The following VWC2 variants were observed in gnomAD, a reference collection of about 807,000 sequenced individuals.
VWC2 encodes the protein von Willebrand factor C domain containing 2.
A neutral mutation model predicts 29.8 loss-of-function variants in VWC2; 14 were observed. That is an observed-to-expected ratio of 0.47 (90% CI 0.31 to 0.74). The LOEUF is 0.74. Among genes scored for constraint, VWC2 ranks in the 30% least tolerant of loss-of-function variants. The probability of loss-of-function intolerance (pLI) is 0.05; values close to 1 mark genes in which losing one functional copy is unlikely to be tolerated. For missense variants in VWC2, 457 were observed against 459.8 expected (o/e 0.99, Z 0.05); for synonymous variants, 213 against 199.0 (o/e 1.07, Z -0.59).
At chr7:49,811,457 G>A (rs1789003833) in intron 3 of VWC2, among the ~76,000 whole-genome samples, 2 of 152,296 alleles carry the variant, frequency 1.3e-5, no homozygotes, top group Non-Finnish European at 2.9e-5. Flanking sequence ...TTTCCTTGCT[G>A]CCATCATGTG....
intron 2 of VWC2, among the ~76,000 whole-genome samples, chr7:49,789,018 CAG>C (rs1788382707): frequency 1.7e-5 from 2 of 120,784 alleles, no homozygotes; most frequent in East Asian, 2.6e-4. Context: ...GAAAGTGTGT[CAG>C]TGTGAGCGTG....
chr7:49,900,971 A>G (rs1417097999), intron 3 of VWC2: 1 of 151,846 alleles, frequency 6.6e-6, no homozygotes, highest in African/African-American at 2.4e-5. Flanking sequence ...CAGGCTAAAG[A>G]AGAAAAATCA....
At position 49,887,028 on chromosome 7, in the gene VWC2, CAGA is replaced by C. The variant is rs1166697250; in HGVS notation, c.827-25002_827-25000del. On this transcript the variant is annotated intron_variant, in intron 3 of 3. Coordinates refer to ENST00000340652, the MANE Select transcript of VWC2 (RefSeq NM_198570.5). ...AAGGCAAATTTTAAGTACTTTTTTGCAGAAGATTTATTTTAAACCATCGCAATT... is the reference window on the plus strand; with the variant it reads ...AAGGCAAATTTTAAGTACTTTTTTGCAGATTTATTTTAAACCATCGCAATT... Among the ~76,000 whole-genome samples, 5 of 151,660 alleles carry C rather than the reference CAGA, an allele frequency of 3.3e-5. No individual in the cohort carries two copies. In the East Asian group the frequency reaches 9.7e-4, roughly 29 times the overall value.
chr7:49,853,270 C>T lies in VWC2; in HGVS notation c.826+50430C>T, dbSNP rs566677039. ...GCATGGCAGACCCTATCAGGTATGA[C>T]TGTAGTCTCCCTTAGGAACCTGTGG... On this transcript the variant is annotated intron_variant, in intron 3 of 3. Transcript: ENST00000340652. Among the ~76,000 whole-genome samples, 17 of 152,374 alleles carry T rather than the reference C, an allele frequency of 1.1e-4. No individual in the cohort carries two copies. In the South Asian group the frequency reaches 3.5e-3, roughly 32 times the overall value.
At chr7:49,910,284 A>G (rs1793338982) in intron 3 of VWC2, among the ~76,000 whole-genome samples, 2 of 152,200 alleles carry the variant, frequency 1.3e-5, no homozygotes, top group South Asian at 2.1e-4. Flanking sequence ...AATTATTCAA[A>G]GGCCAGTTGT....
intron 2 of VWC2, among the ~76,000 whole-genome samples, chr7:49,782,413 G>A (rs1788198276): frequency 6.6e-6 from 1 of 152,110 alleles, no homozygotes; most frequent in Admixed American, 6.5e-5. Context: ...TTCCTCTTCA[G>A]TTTTGGTGGA....
At chr7:49,850,331 A>G (rs1790126061) in intron 3 of VWC2, 1 of 152,264 alleles carries the variant, frequency 6.6e-6, no homozygotes, top group Admixed American at 6.5e-5. Context: ...CACACCTGCC[A>G]TCTGCCAGTT....
intron 2 of VWC2, among the ~76,000 whole-genome samples, chr7:49,802,386 C>G (rs1290796458): frequency 6.6e-6 from 1 of 152,036 alleles, no homozygotes; most frequent in Non-Finnish European, 1.5e-5. Context: ...TCCTGTAATC[C>G]CAGCACTTTG....
chr7:49,788,418 A>G (rs548711026), intron 2 of VWC2, among the ~76,000 whole-genome samples: 38 of 151,880 alleles, frequency 2.5e-4, no homozygotes, highest in African/African-American at 8.5e-4. Flanking sequence ...GCCAAACGGG[A>G]GCACTGTAGT....
At chr7:49,897,357 A>G (rs1792441693) in intron 3 of VWC2, among the ~76,000 whole-genome samples, 1 of 152,268 alleles carries the variant, frequency 6.6e-6, no homozygotes, top group South Asian at 2.1e-4. Flanking sequence ...AATACAGGTC[A>G]ATATTTTGCA....
At chr7:49,804,713 G>C (rs1162778688) in intron 3 of VWC2, among the ~76,000 whole-genome samples, 1 of 152,046 alleles carries the variant, frequency 6.6e-6, no homozygotes. Flanking sequence ...GTGAACAATT[G>C]TATACCTTTA....
chr7:49,872,195 C>T (rs1791187652), intron 3 of VWC2, among the ~76,000 whole-genome samples: 2 of 151,980 alleles, frequency 1.3e-5, no homozygotes, highest in South Asian at 4.2e-4. Context: ...TGATTGGTCA[C>T]ATTTAAGGAG....
chr7:49,775,831 C>T lies in VWC2; in HGVS notation c.396C>T (p.Gly132=). ...CCGCAGCCGCCCAGGACGCGATTGG[C>T]CCGGAACTCGCGCCCACGCCCGAGC... ...ALAAAAQDAI[G]PELAPTPEPP... is the part of the protein sequence containing the mutation. The change falls in exon 2 of 4, where the codon GGC becomes GGT. Residue 132 remains glycine, a synonymous_variant. Transcript: ENST00000340652. The T allele has an allele frequency of 6.5e-7, 1 of 1,548,050 alleles. No individual in the cohort carries two copies. Among genetic ancestry groups the T allele is most frequent in the East Asian group, 2.4e-5 (1 of 41,104 alleles).
chr7:49,874,834 C>T (rs947176168), intron 3 of VWC2, among the ~76,000 whole-genome samples: 3 of 149,660 alleles, frequency 2.0e-5, no homozygotes, highest in African/African-American at 4.8e-5. Flanking sequence ...AGATTCCTGC[C>T]CCTCTTCCCT....
chr7:49,796,202 ATGC>A (rs961940699), intron 2 of VWC2, among the ~76,000 whole-genome samples: 52 of 152,324 alleles, frequency 3.4e-4, no homozygotes, highest in African/African-American at 1.2e-3. Flanking sequence ...AGAAAGTTCT[ATGC>A]TGAAGTTTCT....
rs866483226 is a variant in VWC2, at chr7:49,912,100, C to T, written c.893C>T (p.Thr298Ile). The change falls in exon 4 of 4, where the codon ACC becomes ATC. Residue 298 changes from threonine to isoleucine, a missense_variant. By Grantham distance (89) the Thr-to-Ile change is moderately conservative. This residue lies in a region of VWC2 where 185 missense variants were observed against 257.1 expected (regional missense o/e 0.72). Coordinates refer to ENST00000340652, the MANE Select transcript of VWC2 (RefSeq NM_198570.5). Reference protein sequence around the residue: ...AGREVKTDECTICHCTYEEGT... With the variant: ...AGREVKTDECIICHCTYEEGT... ...AGAGAAGTGAAGACTGACGAGTGCA[C>T]CATATGCCACTGTACTTATGAGGAA... The T allele has an allele frequency of 1.2e-6, 2 of 1,613,972 alleles. No homozygotes were observed. Among genetic ancestry groups the T allele is most frequent in the East Asian group, 2.2e-5 (1 of 44,886 alleles).
At position 49,861,371 on chromosome 7, in the gene VWC2, T is replaced by C. The variant is rs1790648230; in HGVS notation, c.827-50663T>C. Among the ~76,000 whole-genome samples, 3 of 152,328 alleles carry C rather than the reference T, an allele frequency of 2.0e-5. No individual in the cohort carries two copies. The South Asian group carries it at 6.2e-4, about 32-fold the overall frequency. The stretch of plus-strand genomic sequence containing the variant: ...TTTTTGTTGTTGAGGTTTAAGACTT[T>C]TTTATATTTTGAATATTAAGCCCTT... On this transcript the variant is annotated intron_variant, in intron 3 of 3. Coordinates refer to ENST00000340652, the MANE Select transcript of VWC2 (RefSeq NM_198570.5).
chr7:49,874,627 C>G (rs1024614318), intron 3 of VWC2, among the ~76,000 whole-genome samples: 2 of 151,920 alleles, frequency 1.3e-5, no homozygotes, highest in East Asian at 1.9e-4. Context: ...GTTTAGGTGA[C>G]AGGATTGGGG....
At chr7:49,808,853 C>T (rs1397055618) in intron 3 of VWC2, among the ~76,000 whole-genome samples, 1 of 151,852 alleles carries the variant, frequency 6.6e-6, no homozygotes, top group African/African-American at 2.4e-5. Flanking sequence ...AAACAGAATG[C>T]ACTATAGATT....
Sources: gnomAD v4.1 joint callset for allele counts (sites outside exome capture counted in the v4.1 genomes callset) on GRCh38, gnomAD v4.1.1 for gene constraint, gnomAD v4.1.1 regional missense constraint, MANE v1.5 for transcripts, NCBI Gene and HGNC (gene_info 2026-07-23, HGNC 2026-07-21) for gene names.